Variants in PHF8 observed in about 807,000 individuals in gnomAD.
PHF8 encodes histone lysine demethylase PHF8.
A neutral mutation model predicts 74.4 loss-of-function variants in PHF8; 9 were observed. That is an observed-to-expected ratio of 0.12 (90% CI 0.07 to 0.21). PHF8 has a LOEUF of 0.21. PHF8 is among the 10% of genes least tolerant of loss of function. PHF8 has a pLI of 1.00. For missense variants in PHF8, 478 were observed against 816.6 expected, an observed-to-expected ratio of 0.59 and a Z score of 5.05; for synonymous variants, 311 against 316.6, an observed-to-expected ratio of 0.98 and a Z score of 0.19.
At chrX:53,948,793 G>A (rs2064872348) in intron 19 of PHF8, among the ~76,000 whole-genome samples, 1 of 110,654 alleles carries the variant, frequency 9.0e-6, no homozygotes, top group South Asian at 3.9e-4. Flanking sequence ...AGAGGCCGAG[G>A]TGGGTGGATC....
Position 53,938,225 on chromosome X carries a change from G to A in PHF8, c.*933C>T, listed in dbSNP as rs2064696292. On this transcript the variant is annotated 3_prime_UTR_variant, in exon 22 of 22. Transcript: ENST00000338154. ...CCAGGCTGTGCTCTGTGGTATAGGC[G>A]GAGCAAGCAGGCTGTAGGGCCAGGG... The A allele has an allele frequency of 6.7e-6, 7 of 1,049,670 alleles. No homozygotes were observed. Among genetic ancestry groups the A allele is most frequent in the Admixed American group, 3.9e-5 (1 of 25,674 alleles). 86.5% of individuals were successfully genotyped at this position (1,049,670 alleles called of 1,213,427 possible).
chrX:54,017,301 G>A (rs1397298899), intron 5 of PHF8, among the ~76,000 whole-genome samples: 1 of 112,050 alleles, frequency 8.9e-6, no homozygotes, highest in African/African-American at 3.2e-5. Flanking sequence ...AACAAAACTA[G>A]CTAGGCATGG....
chrX:53,974,334 G>C (rs2065342148), intron 18 of PHF8, among the ~76,000 whole-genome samples: 1 of 111,697 alleles, frequency 9.0e-6, no homozygotes, highest in South Asian at 3.7e-4. Context: ...CTGTTCATTA[G>C]AGAAATGCAA....
At chrX:53,991,670 A>G (rs2065664333) in intron 14 of PHF8, among the ~76,000 whole-genome samples, 1 of 104,749 alleles carries the variant, frequency 9.5e-6, no homozygotes, top group East Asian at 2.9e-4. Flanking sequence ...TCAAAAAAAA[A>G]AAAAAAAAAA....
At chrX:53,962,323 G>A (rs998968056) in intron 19 of PHF8, among the ~76,000 whole-genome samples, 3 of 112,208 alleles carry the variant, frequency 2.7e-5, no homozygotes, top group Non-Finnish European at 5.6e-5. Flanking sequence ...TGCATCCTCA[G>A]TGTGAATACT....
intron 8 of PHF8, among the ~76,000 whole-genome samples, chrX:54,005,821 AG>A (rs1462459612): frequency 2.7e-5 from 3 of 111,043 alleles, no homozygotes; most frequent in Admixed American, 1.9e-4. Flanking sequence ...CAGGAATGAA[AG>A]AAAAAAAAAA....
chrX:54,032,387 C>G (rs1344435158), intron 2 of PHF8, among the ~76,000 whole-genome samples: 1 of 110,739 alleles, frequency 9.0e-6, no homozygotes, highest in African/African-American at 3.3e-5. Flanking sequence ...CTATTACTCT[C>G]CCCTCACTCA....
chrX:54,044,853 G>C (rs1942457117), upstream of PHF8: 1 of 1,143,685 alleles, frequency 8.7e-7, no homozygotes, highest in Non-Finnish European at 1.2e-6. Context: ...GGCTTCAGCC[G>C]GGGTAGAGGC....
chrX:53,939,242 C>A lies in PHF8; in HGVS notation c.2991G>T (p.Lys997Asn). The A allele has an allele frequency of 8.3e-7, 1 of 1,207,299 alleles. No homozygotes were observed. The highest frequency in any genetic ancestry group is 1.1e-6 in the Non-Finnish European group (1 of 892,438). ...GSQSNQAGQG[K>N]RPKKGLATAK... ...CTGTGGCCAGGCCCTTTTTGGGACG[C>A]TTTCCTGTGGGGGAAGGGAAAAGTA... Residue 997 changes from lysine to asparagine, a missense_variant, in exon 22 of 22, where the codon AAG (lysine) becomes AAT (asparagine). Transcript: ENST00000338154.
chrX:53,951,943 C>G (rs1452228827), intron 19 of PHF8, among the ~76,000 whole-genome samples: 1 of 111,094 alleles, frequency 9.0e-6, no homozygotes, highest in East Asian at 2.8e-4. Flanking sequence ...CAAGATATTC[C>G]TAGATAAATA....
At chrX:53,968,503 A>G (rs1423381105) in intron 18 of PHF8, among the ~76,000 whole-genome samples, 3 of 112,686 alleles carry the variant, frequency 2.7e-5, no homozygotes, top group African/African-American at 6.4e-5. Flanking sequence ...CATTAAAACA[A>G]CAATTCTACC....
intron 18 of PHF8, among the ~76,000 whole-genome samples, chrX:53,983,785 C>T (rs953961358): frequency 8.0e-5 from 9 of 112,200 alleles, no homozygotes; most frequent in Admixed American, 4.8e-4. Context: ...TTCTATATTA[C>T]AGAACACTAT....
chrX:53,943,282 G>T, intron 20 of PHF8: 3 of 937,685 alleles, frequency 3.2e-6, no homozygotes, highest in Non-Finnish European at 4.4e-6. Context: ...AACTACATAA[G>T]CATTTATTTA....
chrX:54,029,975 G>A (rs1284910126), intron 2 of PHF8, among the ~76,000 whole-genome samples: 1 of 110,887 alleles, frequency 9.0e-6, no homozygotes, highest in African/African-American at 3.3e-5. Flanking sequence ...AAAGCCAGCG[G>A]ACTCTCGGTG....
At chrX:54,020,468 C>T (rs370163698) in intron 4 of PHF8, among the ~76,000 whole-genome samples, 7 of 111,234 alleles carry the variant, frequency 6.3e-5, no homozygotes, top group African/African-American at 2.3e-4. Flanking sequence ...TGAAAAAGAA[C>T]ATCTGTATGT....
intron 19 of PHF8, among the ~76,000 whole-genome samples, chrX:53,951,495 G>T (rs1467708816): frequency 1.8e-5 from 2 of 110,686 alleles, no homozygotes; most frequent in African/African-American, 6.6e-5. Context: ...CCATTACCCA[G>T]GCTGGAGTGC....
Position 53,938,195 on chromosome X carries a change from A to G in PHF8, c.*963T>C. 5 of 1,096,931 alleles carry G rather than the reference A, an allele frequency of 4.6e-6. No individual in the cohort carries two copies. The highest frequency in any genetic ancestry group is 5.9e-6 in the Non-Finnish European group (5 of 840,866). 90.4% of individuals were successfully genotyped at this position (1,096,931 alleles called of 1,213,427 possible). On this transcript the variant is annotated 3_prime_UTR_variant, in exon 22 of 22. Coordinates refer to ENST00000338154, the MANE Select transcript of PHF8 (RefSeq NM_015107.3). ...TGGGCCGTCCCGCCACACCCTCCATAATGTCCAGGCTGTGCTCTGTGGTAT... is the reference window on the plus strand; with the variant it reads ...TGGGCCGTCCCGCCACACCCTCCATGATGTCCAGGCTGTGCTCTGTGGTAT...
chrX:53,967,173 C>T (rs1557093073), intron 18 of PHF8, among the ~76,000 whole-genome samples: 3 of 109,598 alleles, frequency 2.7e-5, no homozygotes, highest in Non-Finnish European at 3.9e-5. Context: ...CCAGCCGCCC[C>T]GTCCGGGAGG....
chrX:53,964,927 A>C (rs376707553), intron 18 of PHF8, among the ~76,000 whole-genome samples: 54 of 108,649 alleles, frequency 5.0e-4, no homozygotes, highest in African/African-American at 1.8e-3. Flanking sequence ...CAATGGCTAG[A>C]GGGAGGAATT....
Sources: gnomAD v4.1 joint callset for allele counts (sites outside exome capture counted in the v4.1 genomes callset) on GRCh38, gnomAD v4.1.1 for gene constraint, MANE v1.5 for transcripts, NCBI Gene and HGNC (gene_info 2026-07-23, HGNC 2026-07-21) for gene names.